Variants in ZMAT4 observed in about 807,000 individuals in gnomAD.
The protein encoded by ZMAT4 is zinc finger matrin-type protein 4.
In ZMAT4, 17 loss-of-function variants were observed where a neutral mutation model predicts 28.7. The observed-to-expected ratio is 0.59, with a 90% CI of 0.41 to 0.89. The LOEUF is 0.89. Ranked by LOEUF, ZMAT4 falls within the 40% of genes least tolerant of loss-of-function variation. The probability of loss-of-function intolerance (pLI) is 0.00; values close to 1 mark genes in which losing one functional copy is unlikely to be tolerated. For synonymous variants in ZMAT4, 117 were observed against 109.2 expected, an observed-to-expected ratio of 1.07 and a Z score of -0.44; for missense variants, 240 against 283.8, an observed-to-expected ratio of 0.85 and a Z score of 1.11.
chr8:40,622,502 C>T (rs1806237711), intron 5 of ZMAT4, among the ~76,000 whole-genome samples: 1 of 152,212 alleles, frequency 6.6e-6, no homozygotes, highest in Non-Finnish European at 1.5e-5. Context: ...GCACAAATCT[C>T]TTCCCTTTTC....
intron 3 of ZMAT4, among the ~76,000 whole-genome samples, chr8:40,749,714 G>C (rs1437719325): frequency 6.6e-6 from 1 of 152,184 alleles, no homozygotes; most frequent in East Asian, 1.9e-4. Flanking sequence ...GTTGAGGCAG[G>C]AGTGAGTGAA....
intron 3 of ZMAT4, among the ~76,000 whole-genome samples, chr8:40,747,248 T>C (rs575007801): frequency 6.6e-6 from 1 of 152,312 alleles, no homozygotes; most frequent in Non-Finnish European, 1.5e-5. Flanking sequence ...TTAAATCACA[T>C]GCTATTAAAA....
chr8:40,572,026 T>C (rs1378178859), intron 6 of ZMAT4, among the ~76,000 whole-genome samples: 2 of 152,206 alleles, frequency 1.3e-5, no homozygotes, highest in African/African-American at 4.8e-5. Context: ...GCATGACTTA[T>C]GATTTGTTTG....
chr8:40,549,765 C>A (rs1315961083), intron 6 of ZMAT4, among the ~76,000 whole-genome samples: 2 of 152,112 alleles, frequency 1.3e-5, no homozygotes, highest in Non-Finnish European at 1.5e-5. Flanking sequence ...CTAATTGAGT[C>A]CTTCCCTACT....
At chr8:40,810,281 G>A (rs1251093039) in intron 2 of ZMAT4, among the ~76,000 whole-genome samples, 2 of 152,060 alleles carry the variant, frequency 1.3e-5, no homozygotes, top group African/African-American at 4.8e-5. Context: ...TAAACAAATA[G>A]CTAAGTCAAC....
intron 3 of ZMAT4, among the ~76,000 whole-genome samples, chr8:40,756,753 A>G (rs1434378487): frequency 6.6e-6 from 1 of 151,470 alleles, no homozygotes; most frequent in Non-Finnish European, 1.5e-5. Flanking sequence ...ATTGCTCTTA[A>G]ATACAAGATT....
intron 3 of ZMAT4, among the ~76,000 whole-genome samples, chr8:40,699,740 C>T (rs1810051566): frequency 6.6e-6 from 1 of 152,204 alleles, no homozygotes; most frequent in South Asian, 2.1e-4. Flanking sequence ...ACTACTTACG[C>T]ATGACATAGG....
At chr8:40,848,668 C>A (rs1816993868) in intron 1 of ZMAT4, among the ~76,000 whole-genome samples, 1 of 152,104 alleles carries the variant, frequency 6.6e-6, no homozygotes, top group African/African-American at 2.4e-5. Context: ...CATCATCACA[C>A]TGTTACAAGG....
intron 1 of ZMAT4, among the ~76,000 whole-genome samples, chr8:40,871,605 T>C (rs925796524): frequency 6.6e-6 from 1 of 152,132 alleles, no homozygotes; most frequent in African/African-American, 2.4e-5. Flanking sequence ...AAAAAGAGAT[T>C]CCCAACCAGG....
chr8:40,821,435 C>T (rs939274647), intron 2 of ZMAT4, among the ~76,000 whole-genome samples: 3 of 70,734 alleles, frequency 4.2e-5, no homozygotes, highest in Non-Finnish European at 1.0e-4. Flanking sequence ...GTTCTTAACG[C>T]TTAGCAAGAA....
intron 2 of ZMAT4, among the ~76,000 whole-genome samples, chr8:40,796,424 T>G (rs574632099): frequency 2.6e-5 from 4 of 152,300 alleles, no homozygotes; most frequent in African/African-American, 7.2e-5. Context: ...TTTTTGTGTA[T>G]TTAGCAGAGG....
intron 5 of ZMAT4, among the ~76,000 whole-genome samples, chr8:40,636,390 T>C (rs1193401167): frequency 6.6e-6 from 1 of 152,312 alleles, no homozygotes; most frequent in South Asian, 2.1e-4. Context: ...TTGCCTCAAG[T>C]TGTGCACATA....
At chr8:40,891,264 G>GCGGGGGA (rs1818671311) in intron 1 of ZMAT4, among the ~76,000 whole-genome samples, 2 of 112,306 alleles carry the variant, frequency 1.8e-5, no homozygotes, top group Non-Finnish European at 3.8e-5. Flanking sequence ...GGGGAGGGGG[G>GCGGGGGA]AGGGGGAAGG....
chr8:40,668,374 G>T (rs1340831985), intron 5 of ZMAT4, among the ~76,000 whole-genome samples: 1 of 151,218 alleles, frequency 6.6e-6, no homozygotes, highest in South Asian at 2.1e-4. Context: ...AGAGGCTGAG[G>T]CAGGAGAATT....
chr8:40,590,812 G>A (rs1804869114), intron 5 of ZMAT4, among the ~76,000 whole-genome samples: 1 of 151,858 alleles, frequency 6.6e-6, no homozygotes, highest in Non-Finnish European at 1.5e-5. Context: ...ACACATTTCT[G>A]CTAAGCCACA....
rs188652756 is a variant in ZMAT4 at position 40,584,447 on chromosome 8, A to G, written c.578-3186T>C. ...TTAATAAATTTTGGAAATATTTAAA[A>G]ATTACTGCTCTATCATGGATGTATT... On this transcript the variant is annotated intron_variant, in intron 5 of 6. Transcript: ENST00000297737. Among the ~76,000 whole-genome samples the G allele has an allele frequency of 1.9e-3, 288 of 152,300 alleles. 3 individuals are homozygous for G. Among genetic ancestry groups the G allele is most frequent in the African/African-American group, 6.5e-3 (271 of 41,568 alleles).
At chr8:40,848,134 A>T (rs1021898281) in intron 1 of ZMAT4, among the ~76,000 whole-genome samples, 1 of 152,160 alleles carries the variant, frequency 6.6e-6, no homozygotes, top group Non-Finnish European at 1.5e-5. Context: ...TAATAACCCA[A>T]ACAAAGGAAA....
chr8:40,572,896 A>G (rs892800210), intron 6 of ZMAT4, among the ~76,000 whole-genome samples: 2 of 152,190 alleles, frequency 1.3e-5, no homozygotes, highest in East Asian at 3.9e-4. Flanking sequence ...TTGATTAGTT[A>G]TCATAATAGT....
intron 5 of ZMAT4, among the ~76,000 whole-genome samples, chr8:40,604,020 TTGGTTGCTTTTGGCGTATAGCA>T (rs1482895423): frequency 2.0e-5 from 3 of 152,230 alleles, no homozygotes. Context: ...GATTCTCAGC[TTGGTTGCTTTTGGCGTATAGCA>T]GTGCTACTGA....
Sources: gnomAD v4.1 joint callset for allele counts (sites outside exome capture counted in the v4.1 genomes callset) on GRCh38, gnomAD v4.1.1 for gene constraint, MANE v1.5 for transcripts, NCBI Gene and HGNC (gene_info 2026-07-23, HGNC 2026-07-21) for gene names.